Variants in NT5DC1 observed in about 807,000 individuals in gnomAD.
NT5DC1 encodes the protein 5'-nucleotidase domain-containing protein 1.
Under a neutral mutation model 59.4 loss-of-function variants are expected in NT5DC1, and 42 were observed. The ratio of observed to expected loss-of-function variants is 0.71; its 90% CI spans 0.55 to 0.92. The LOEUF is 0.92. Among genes scored for constraint, NT5DC1 ranks in the 40% least tolerant of loss-of-function variants. The pLI is 0.00. For synonymous variants in NT5DC1, 172 were observed against 188.1 expected, an observed-to-expected ratio of 0.91 and a Z score of 0.70; for missense variants, 501 against 537.1, an observed-to-expected ratio of 0.93 and a Z score of 0.66.
chr6:116,120,218 A>C, intron 6 of NT5DC1: 1 of 1,614,208 alleles, frequency 6.2e-7, no homozygotes, highest in Non-Finnish European at 8.5e-7. Context: ...AGCCTGATCC[A>C]GGTAGCCTTT....
At chr6:116,115,478 C>A (rs561003795) in intron 4 of NT5DC1, among the ~76,000 whole-genome samples, 1 of 152,176 alleles carries the variant, frequency 6.6e-6, no homozygotes, top group Admixed American at 6.5e-5. Context: ...TGCTTAACTT[C>A]TAGATATCAT....
At chr6:116,174,004 G>A (rs879890410) in intron 6 of NT5DC1, among the ~76,000 whole-genome samples, 9 of 152,100 alleles carry the variant, frequency 5.9e-5, no homozygotes, top group African/African-American at 1.4e-4. Context: ...TGCTAGCCAC[G>A]TATTTTATAA....
At chr6:116,147,128 C>T (rs1779918653) in intron 6 of NT5DC1, among the ~76,000 whole-genome samples, 1 of 151,218 alleles carries the variant, frequency 6.6e-6, no homozygotes, top group Non-Finnish European at 1.5e-5. Flanking sequence ...AAGAAAAATA[C>T]AAGTAAAGTT....
At position 116,213,434 on chromosome 6, in the gene NT5DC1, C is replaced by T. The variant is rs138137609; in HGVS notation, c.530-7620C>T. Among the ~76,000 whole-genome samples, 322 of 152,156 alleles carry T rather than the reference C, an allele frequency of 2.1e-3. 1 individual carries two copies. The highest frequency in any genetic ancestry group is 7.2e-3 in the African/African-American group (300 of 41,526). ...ACATGACTTCCAACAGGTAAGGAGT[C>T]GAAGCTGCCAGGCCATTTAAGGGCT... is the stretch of plus-strand genomic sequence containing the variant. On this transcript the variant is annotated intron_variant, in intron 6 of 11. Transcript: ENST00000319550.
Position 116,248,393 on chromosome 6 carries a change from A to G in NT5DC1, c.*4369A>G, listed in dbSNP as rs897628092. 6 of 152,242 alleles carry G rather than the reference A, an allele frequency of 3.9e-5. No individual in the cohort carries two copies. Among genetic ancestry groups the G allele is most frequent in the African/African-American group, 1.4e-4 (6 of 41,466 alleles). The allele number at this position is 152,242 out of a possible 1,614,324, so 9.4% of individuals were successfully genotyped here. ...GTAACTGAAACAAGATCAAATATCC[A>G]TGTCTTAAATTGTGATTCTCTAGGA... On this transcript the variant is annotated 3_prime_UTR_variant, in exon 12 of 12. Transcript: ENST00000319550.
rs1461686144 is a variant in NT5DC1 at position 116,178,070 on chromosome 6, TGTGTGTGTGTGTGTGTGTGCGCGCGC to T, written c.530-42982_530-42957del. Among the ~76,000 whole-genome samples the T allele has an allele frequency of 4.6e-3, 514 of 110,638 alleles. 15 individuals are homozygous for T. In the South Asian group the frequency reaches 0.054, roughly 12 times the overall value. 72.6% of individuals were successfully genotyped at this position (110,638 alleles called of 152,430 possible). ...AGAGGAAAGTGTGTGTGTGTGTGTG[TGTGTGTGTGTGTGTGTGTGCGCGCGC>T]GCGCGCGTGCGTGCGTGTGTGTGTG... On this transcript the variant is annotated intron_variant, in intron 6 of 11. Coordinates refer to ENST00000319550, the MANE Select transcript of NT5DC1 (RefSeq NM_152729.3).
chr6:116,123,506 G>A (rs997098882), intron 6 of NT5DC1, among the ~76,000 whole-genome samples: 3 of 152,208 alleles, frequency 2.0e-5, no homozygotes, highest in Admixed American at 1.3e-4. Context: ...AATGTGGCAC[G>A]TGCATCTGCC....
chr6:116,232,382 C>T (rs930561506), intron 8 of NT5DC1, among the ~76,000 whole-genome samples: 2 of 151,804 alleles, frequency 1.3e-5, no homozygotes, highest in Non-Finnish European at 2.9e-5. Flanking sequence ...TATGTCTCAA[C>T]AAATGTGTAA....
intron 6 of NT5DC1, among the ~76,000 whole-genome samples, chr6:116,189,353 T>C (rs1029745233): frequency 6.6e-6 from 1 of 151,954 alleles, no homozygotes; most frequent in Non-Finnish European, 1.5e-5. Flanking sequence ...GACTTACATA[T>C]AGTTCCAGTA....
chr6:116,231,714 T>G (rs952415267), intron 8 of NT5DC1, among the ~76,000 whole-genome samples: 1 of 152,222 alleles, frequency 6.6e-6, no homozygotes, highest in Admixed American at 6.5e-5. Context: ...AGAAAAACAT[T>G]GGCAACAACC....
intron 6 of NT5DC1, among the ~76,000 whole-genome samples, chr6:116,172,882 G>T (rs576982817): frequency 6.6e-6 from 1 of 152,234 alleles, no homozygotes; most frequent in East Asian, 1.9e-4. Context: ...GGTAAGATAG[G>T]ATGTTTCAGG....
At chr6:116,134,981 A>G (rs565183185) in intron 6 of NT5DC1, among the ~76,000 whole-genome samples, 2 of 152,198 alleles carry the variant, frequency 1.3e-5, no homozygotes, top group Non-Finnish European at 2.9e-5. Flanking sequence ...ATGAAGTTTC[A>G]GAGCAACAAA....
chr6:116,128,869 G>A (rs960333005), intron 6 of NT5DC1, among the ~76,000 whole-genome samples: 20 of 152,082 alleles, frequency 1.3e-4, no homozygotes, highest in African/African-American at 4.6e-4. Flanking sequence ...TTACCACCTT[G>A]TTAATATTAG....
intron 8 of NT5DC1, among the ~76,000 whole-genome samples, chr6:116,225,301 A>T (rs1186506342): frequency 1.3e-5 from 2 of 152,174 alleles, no homozygotes. Flanking sequence ...TAGGCTCAAG[A>T]TATGTATTGG....
At chr6:116,187,743 A>G (rs78410982) in intron 6 of NT5DC1, among the ~76,000 whole-genome samples, 166 of 152,240 alleles carry the variant, frequency 1.1e-3, no homozygotes, top group Non-Finnish European at 2.0e-3. Flanking sequence ...ATGAAAGGCA[A>G]ATCAGTAAAG....
At chr6:116,202,890 A>G (rs1163846593) in intron 6 of NT5DC1, among the ~76,000 whole-genome samples, 2 of 152,018 alleles carry the variant, frequency 1.3e-5, no homozygotes, top group Non-Finnish European at 2.9e-5. Flanking sequence ...AGGAGTGAGG[A>G]AAGTACAAAG....
At chr6:116,118,202 G>A (rs1393314652) in intron 6 of NT5DC1, 4 of 444,750 alleles carry the variant, frequency 9.0e-6, no homozygotes, top group Non-Finnish European at 1.6e-5. Context: ...GTCATTCTGT[G>A]AGTTCCCTAG....
At position 116,158,476 on chromosome 6, in the gene NT5DC1, G is replaced by A. The variant is rs73772302; in HGVS notation, c.529+40531G>A. 344 of 152,290 alleles carry A rather than the reference G, an allele frequency of 2.3e-3. 2 individuals are homozygous for A. The highest frequency in any genetic ancestry group is 8.1e-3 in the African/African-American group (338 of 41,560). The allele number at this position is 152,290 out of a possible 1,614,324, so 9.4% of individuals were successfully genotyped here. On this transcript the variant is annotated intron_variant, in intron 6 of 11. Coordinates refer to ENST00000319550, the MANE Select transcript of NT5DC1 (RefSeq NM_152729.3). The stretch of plus-strand genomic sequence containing the variant: ...GCAATCTTATGAGACACAGAAGGAA[G>A]TATCATTTTCTTTAAATACATTTTA...
chr6:116,184,506 C>T (rs9488864), intron 6 of NT5DC1, among the ~76,000 whole-genome samples: 35,910 of 151,944 alleles, frequency 0.24, 4,511 homozygotes, highest in Middle Eastern at 0.34. Context: ...GCTATGAATC[C>T]GTCTGATCCT....
Sources: gnomAD v4.1 joint callset for allele counts (sites outside exome capture counted in the v4.1 genomes callset) on GRCh38, gnomAD v4.1.1 for gene constraint, MANE v1.5 for transcripts, NCBI Gene and HGNC (gene_info 2026-07-23, HGNC 2026-07-21) for gene names.